Variants in CCDC27 observed in about 807,000 individuals in gnomAD.
CCDC27 encodes coiled-coil domain containing 27.
In CCDC27, 80 loss-of-function variants were observed where a neutral mutation model predicts 80.3. That is an observed-to-expected ratio of 1.00 (90% confidence interval 0.83 to 1.20). CCDC27 has a LOEUF of 1.20. Among genes scored for constraint, CCDC27 ranks in the 50% most tolerant of loss-of-function variants. The probability of loss-of-function intolerance (pLI) is 0.00; values close to 1 mark genes in which losing one functional copy is unlikely to be tolerated. For synonymous variants in CCDC27, 342 were observed against 334.3 expected (o/e 1.02, Z -0.25); for missense variants, 815 against 809.4 (o/e 1.01, Z -0.08).
rs1270987176 is a variant in CCDC27, at chr1:3,755,513, A to G, written c.499A>G (p.Arg167Gly). 1 of 1,614,176 alleles carries G rather than the reference A, an allele frequency of 6.2e-7. No homozygotes were observed. The highest frequency in any genetic ancestry group is 8.5e-7 in the Non-Finnish European group (1 of 1,180,036). The change falls in exon 3 of 12, where the codon AGA (arginine) becomes GGA (glycine). Residue 167 changes from arginine to glycine, a missense_variant. Coordinates refer to ENST00000294600, the MANE Select transcript of CCDC27 (RefSeq NM_152492.3). ...GEIDNSSETW[R>G]GTQDLFLARR... is the part of the protein sequence containing the mutation. ...GATTGACAACAGCTCGGAGACCTGG[A>G]GAGGCACCCAGGACCTGTTCTTGGC...
rs528036966 is a variant in CCDC27 at position 3,769,445 on chromosome 1, G to A, written c.1744-338G>A. Among the ~76,000 whole-genome samples, 6 of 152,146 alleles carry A rather than the reference G, an allele frequency of 3.9e-5. No individual in the cohort carries two copies. The highest frequency in any genetic ancestry group is 7.4e-5 in the Non-Finnish European group (5 of 68,024). ...CAGTGGAGGATGGTCCAGGGGTTAC[G>A]TGCGGCTTCTGTACTATTTTGGTTT... On this transcript the variant is annotated intron_variant, in intron 10 of 11. Coordinates refer to ENST00000294600, the MANE Select transcript of CCDC27 (RefSeq NM_152492.3). This position sits in a 1 kb window ranked among gnomAD's most constrained non-coding sequence, Gnocchi z 4.6.
In CCDC27 at chr1:3,754,520, G is replaced by A. The variant is rs577191319; in HGVS notation, c.442+279G>A. Among the ~76,000 whole-genome samples the A allele has an allele frequency of 2.0e-5, 3 of 152,248 alleles. No individual in the cohort carries two copies. In the East Asian group the frequency reaches 5.8e-4, roughly 29 times the overall value. ...TTTCACCCACTAAAAATTCAGTAGG[G>A]TCAGGGGCTAGGGGAGTGGAAATGG... On this transcript the variant is annotated intron_variant, in intron 2 of 11. Transcript: ENST00000294600.
In CCDC27 at chr1:3,763,261, A is replaced by T; in HGVS notation, c.1108A>T (p.Ser370Cys). 6.3e-7 allele frequency: 1 copy of T among 1,577,506 alleles called. No homozygotes were observed. Among genetic ancestry groups the T allele is most frequent in the Non-Finnish European group, 8.6e-7 (1 of 1,160,856 alleles). Residue 370 changes from serine to cysteine, a missense_variant, in exon 7 of 12, where the codon AGC (serine) becomes TGC (cysteine). Coordinates refer to ENST00000294600, the MANE Select transcript of CCDC27 (RefSeq NM_152492.3). This position sits in a 1 kb window ranked among gnomAD's most constrained non-coding sequence, Gnocchi z 7.5. ...SQMGSVHEEG[S>C]EEEEEEEGDR... Reference sequence around the variant, plus strand: ...GATGGGATCCGTGCATGAGGAGGGAAGCGAGGAGGAGGAAGAGGAGGAAGG... The same window carrying T: ...GATGGGATCCGTGCATGAGGAGGGATGCGAGGAGGAGGAAGAGGAGGAAGG...
chr1:3,771,227 C>G (rs1643354345), intron 11 of CCDC27, among the ~76,000 whole-genome samples, 174 bp from the exon 12 acceptor site: 1 of 152,138 alleles, frequency 6.6e-6, no homozygotes, highest in African/African-American at 2.4e-5. Context: ...TGTTTTTTCT[C>G]CCCCTGGAGA....
In CCDC27 at chr1:3,771,460, G is replaced by GC. The variant is rs751021664; in HGVS notation, c.1915dup (p.Leu639ProfsTer?). 55 of 1,613,650 alleles carry GC rather than the reference G, an allele frequency of 3.4e-5. No homozygotes were observed. The Admixed American group carries it at 3.8e-4, about 11-fold the overall frequency. On this transcript the variant is annotated frameshift_variant, in exon 12 of 12. Coordinates refer to ENST00000294600, the MANE Select transcript of CCDC27 (RefSeq NM_152492.3). LOFTEE classifies it low-confidence loss of function (END_TRUNC). ...AGCTGAAGCAGAAAGGCGTCAAAGT[G>GC]CCCCCCCTGCAACAGTCAGAGGCCT...
At chr1:3,762,214 CT>C (rs1021683450) in intron 5 of CCDC27, among the ~76,000 whole-genome samples, 17 of 152,166 alleles carry the variant, frequency 1.1e-4, no homozygotes, top group Non-Finnish European at 2.2e-4. Context: ...CAAGGGAAGG[CT>C]GCCTAGACAC....
Position 3,766,473 on chromosome 1 carries a change from G to A in CCDC27, c.1453-62G>A, listed in dbSNP as rs369346198. On this transcript the variant is annotated intron_variant, in intron 8 of 11. Coordinates refer to ENST00000294600, the MANE Select transcript of CCDC27 (RefSeq NM_152492.3). The surrounding 1 kb of genome is among the most constrained non-coding windows in gnomAD (Gnocchi z 6.1). ...TGGGGAAGGAAAAAAGTTAGATGCC[G>A]GAATTCAGTCTGTTATCTAAACCTG... 21 of 1,198,470 alleles carry A rather than the reference G, an allele frequency of 1.8e-5. No individual in the cohort carries two copies. The highest frequency in any genetic ancestry group is 1.0e-4 in the South Asian group (8 of 76,268). The allele number at this position is 1,198,470 out of a possible 1,614,324, so 74.2% of individuals were successfully genotyped here.
Position 3,763,569 on chromosome 1 carries a change from G to A in CCDC27, c.1321+95G>A. The stretch of plus-strand genomic sequence containing the variant: ...AGACGCTGCCTGCTCTGGTCAGTGA[G>A]CTGGAGCAGGGGCAGGTGTCGGCAG... On this transcript the variant is annotated intron_variant, in intron 7 of 11. Transcript: ENST00000294600. This position sits in a 1 kb window ranked among gnomAD's most constrained non-coding sequence, Gnocchi z 7.5. 1.3e-6 allele frequency: 2 copies of A among 1,550,982 alleles called. No individual in the cohort carries two copies. The highest frequency in any genetic ancestry group is 1.2e-5 in the South Asian group (1 of 80,988).
intron 5 of CCDC27, 71 bp from the exon 6 acceptor site, chr1:3,762,549 C>T: frequency 8.1e-7 from 1 of 1,229,044 alleles, no homozygotes; most frequent in South Asian, 1.3e-5. Context: ...CCTTCTAGGA[C>T]AGGCAGTGGT....
intron 9 of CCDC27, 48 bp from the exon 10 acceptor site, chr1:3,767,185 G>A: frequency 6.3e-7 from 1 of 1,575,058 alleles, no homozygotes; most frequent in Non-Finnish European, 8.7e-7. Flanking sequence ...CACATACTCA[G>A]GTTGGGCGAA....
chr1:3,770,163 C>A (rs573807488), intron 11 of CCDC27, among the ~76,000 whole-genome samples: 200 of 152,328 alleles, frequency 1.3e-3, no homozygotes, highest in African/African-American at 4.6e-3. Context: ...ACAACCCATC[C>A]TGAGCGCTGT....
chr1:3,752,973 C>T (rs181691368), intron 1 of CCDC27, among the ~76,000 whole-genome samples, 174 bp downstream of exon 1: 5 of 152,354 alleles, frequency 3.3e-5, no homozygotes, highest in African/African-American at 9.6e-5. Context: ...GTGGAAAGAG[C>T]CCTGCGGTCC....
Position 3,763,698 on chromosome 1 carries a change from G to T in CCDC27, c.1322-8G>T. ...GCTCCTGCTCACCGCCTCTGCCTCTGTGCCCAGGAGTGATTGCGTCTTTAC... is the reference window on the plus strand; with the variant it reads ...GCTCCTGCTCACCGCCTCTGCCTCTTTGCCCAGGAGTGATTGCGTCTTTAC... On this transcript the variant is annotated splice_region_variant and splice_polypyrimidine_tract_variant and intron_variant, in intron 7 of 11. Transcript: ENST00000294600. The surrounding 1 kb of genome is among the most constrained non-coding windows in gnomAD (Gnocchi z 7.5). 6.2e-7 allele frequency: 1 copy of T among 1,614,038 alleles called. No individual in the cohort carries two copies. Among genetic ancestry groups the T allele is most frequent in the Non-Finnish European group, 8.5e-7 (1 of 1,179,946 alleles).
At position 3,763,523 on chromosome 1, in the gene CCDC27, G is replaced by A. The variant is rs544180948; in HGVS notation, c.1321+49G>A. The A allele has an allele frequency of 1.1e-5, 17 of 1,551,662 alleles. No homozygotes were observed. Among genetic ancestry groups the A allele is most frequent in the Admixed American group, 5.6e-5 (3 of 53,544 alleles). On this transcript the variant is annotated intron_variant, in intron 7 of 11. Coordinates refer to ENST00000294600, the MANE Select transcript of CCDC27 (RefSeq NM_152492.3). This position sits in a 1 kb window ranked among gnomAD's most constrained non-coding sequence, Gnocchi z 7.5. ...GGGCTTTGGCCACTCAGTGGTTCCC[G>A]GCCCAGGAGCTGGGACGCCCAGACG...
In CCDC27 at chr1:3,771,601, G is replaced by A. The variant is rs564520471; in HGVS notation, c.*78G>A. On this transcript the variant is annotated 3_prime_UTR_variant, in exon 12 of 12. Transcript: ENST00000294600. ...CCAGAACCACCCGCCCCCACCATGC[G>A]TCCTGCTCTCAGACTCAGAATTAAA... The A allele has an allele frequency of 2.4e-5, 36 of 1,496,136 alleles. No homozygotes were observed. Among genetic ancestry groups the A allele is most frequent in the Non-Finnish European group, 2.9e-5 (32 of 1,098,464 alleles). 92.7% of individuals were successfully genotyped at this position (1,496,136 alleles called of 1,614,324 possible).
intron 3 of CCDC27, 181 bp from the exon 4 acceptor site, chr1:3,756,552 C>A: frequency 1.6e-6 from 1 of 610,354 alleles, no homozygotes. Flanking sequence ...GTGTTCACAG[C>A]AGCACCACAC....
chr1:3,768,357 G>A lies in CCDC27; in HGVS notation c.1743+912G>A, dbSNP rs1332456665. 2.6e-5 allele frequency among the ~76,000 whole-genome samples: 4 copies of A among 152,078 alleles called. No homozygotes were observed. The highest frequency in any genetic ancestry group is 5.9e-5 in the Non-Finnish European group (4 of 68,020). On this transcript the variant is annotated intron_variant, in intron 10 of 11. Coordinates refer to ENST00000294600, the MANE Select transcript of CCDC27 (RefSeq NM_152492.3). This position sits in a 1 kb window ranked among gnomAD's most constrained non-coding sequence, Gnocchi z 5.6. ...AGCAATCTGCCTGCCTTGGCCTCCC[G>A]AAGTGTTGGGAATACAGGTGTGAGC... is the stretch of plus-strand genomic sequence containing the variant.
At position 3,763,709 on chromosome 1, in the gene CCDC27, T is replaced by C. The variant is rs777536253; in HGVS notation, c.1325T>C (p.Val442Ala). The change falls in exon 8 of 12, where the codon GTG becomes GCG. Residue 442 changes from valine to alanine, a missense_variant. Coordinates refer to ENST00000294600, the MANE Select transcript of CCDC27 (RefSeq NM_152492.3). The surrounding 1 kb of genome is among the most constrained non-coding windows in gnomAD (Gnocchi z 7.5). ...CCGCCTCTGCCTCTGTGCCCAGGAG[T>C]GATTGCGTCTTTACAACAACAAGTG... ...TRTRYSLATG[V>A]IASLQQQVDF... 8 of 1,613,892 alleles carry C rather than the reference T, an allele frequency of 5.0e-6. No individual in the cohort carries two copies. The Admixed American group carries it at 6.7e-5, about 13-fold the overall frequency.
chr1:3,765,718 GC>G (rs1362266081), intron 8 of CCDC27, among the ~76,000 whole-genome samples: 1 of 152,152 alleles, frequency 6.6e-6, no homozygotes, highest in East Asian at 1.9e-4. Context: ...CTACAAGTTT[GC>G]TTTTGGTGTC....
Sources: allele counts gnomAD v4.1 joint callset (sites outside exome capture counted in the v4.1 genomes callset), GRCh38; gene constraint gnomAD v4.1.1; non-coding constraint Gnocchi (gnomAD v3.1); transcripts MANE v1.5; gene names NCBI Gene and HGNC (gene_info 2026-07-23, HGNC 2026-07-21).